GLIPR1L1: variants seen among roughly 807,000 people sequenced by gnomAD.
GLIPR1L1 encodes GLIPR1-like protein 1.
GLIPR1L1 carries 26 observed loss-of-function variants against 29.9 expected under a neutral mutation model. The observed-to-expected ratio is 0.87, with a 90% CI of 0.64 to 1.21. The LOEUF (loss-of-function observed/expected upper bound fraction) is 1.21. GLIPR1L1 is among the 50% of genes most tolerant of loss of function. The pLI is 0.00. For missense variants in GLIPR1L1, 305 were observed against 290.3 expected, an observed-to-expected ratio of 1.05 and a Z score of -0.37; for synonymous variants, 77 against 97.5, an observed-to-expected ratio of 0.79 and a Z score of 1.24.
In GLIPR1L1 at chr12:75,370,234, T is replaced by C; in HGVS notation, c.*58T>C. The C allele has an allele frequency of 1.2e-6, 1 of 852,414 alleles. No homozygotes were observed. Among genetic ancestry groups the C allele is most frequent in the Non-Finnish European group, 1.9e-6 (1 of 515,346 alleles). The allele number at this position is 852,414 out of a possible 1,614,324, so 52.8% of individuals were successfully genotyped here. On this transcript the variant is annotated 3_prime_UTR_variant, in exon 6 of 6. Transcript: ENST00000378695. ...TTAAAATAAAGGAATAGTTTATTGC[T>C]TAATATAACTTATCATCACTTTGCT...
intron 2 of GLIPR1L1, among the ~76,000 whole-genome samples, chr12:75,345,317 G>C (rs145432322): frequency 9.1e-4 from 138 of 151,716 alleles, no homozygotes; most frequent in African/African-American, 3.2e-3. Flanking sequence ...CTAATGTCTT[G>C]AAAACCATTA....
Position 75,341,381 on chromosome 12 carries a change from T to A in GLIPR1L1, c.175-2312T>A, listed in dbSNP as rs530959007. ...TGGCTCTCAAAGGCATTATGCTGAG[T>A]GAAGAGAAGCCAATCTCAAAATGGA... On this transcript the variant is annotated intron_variant, in intron 1 of 5. Coordinates refer to ENST00000378695, the MANE Select transcript of GLIPR1L1 (RefSeq NM_001304964.2). 4.6e-5 allele frequency among the ~76,000 whole-genome samples: 7 copies of A among 152,296 alleles called. No individual in the cohort carries two copies. In the East Asian group the frequency reaches 1.3e-3, roughly 29 times the overall value.
intron 2 of GLIPR1L1, among the ~76,000 whole-genome samples, chr12:75,345,926 G>A (rs888628295): frequency 1.3e-5 from 2 of 152,142 alleles, no homozygotes; most frequent in African/African-American, 4.8e-5. Context: ...TTACACACAA[G>A]GTTAAGTAAT....
At chr12:75,360,069 A>G (rs963344328) in intron 3 of GLIPR1L1, 1 of 152,154 alleles carries the variant, frequency 6.6e-6, no homozygotes, top group Non-Finnish European at 1.5e-5. Context: ...CTCACTCACT[A>G]TCATGAGAAC....
chr12:75,354,626 C>A (rs1321517622), intron 3 of GLIPR1L1, among the ~76,000 whole-genome samples: 1 of 152,156 alleles, frequency 6.6e-6, no homozygotes, highest in Admixed American at 6.6e-5. Flanking sequence ...TTAGAAAAAA[C>A]TATTTTAAAA....
intron 2 of GLIPR1L1, among the ~76,000 whole-genome samples, chr12:75,344,812 A>G (rs1398805317): frequency 1.3e-5 from 2 of 152,098 alleles, no homozygotes; most frequent in Non-Finnish European, 2.9e-5. Context: ...TGCTTTTAAA[A>G]TATGTTAGGT....
intron 2 of GLIPR1L1, among the ~76,000 whole-genome samples, chr12:75,346,274 T>C (rs1037836207): frequency 4.6e-5 from 7 of 152,224 alleles, no homozygotes; most frequent in Non-Finnish European, 8.8e-5. Context: ...TTTAAAACAT[T>C]CAAAAGGAAA....
At chr12:75,358,865 CATATATA>C (rs2043345835) in intron 3 of GLIPR1L1, among the ~76,000 whole-genome samples, 1 of 131,188 alleles carries the variant, frequency 7.6e-6, no homozygotes, top group South Asian at 2.2e-4. Context: ...ATGGTTTAAA[CATATATA>C]ATATATAATT....
chr12:75,348,599 G>C (rs999221863), intron 3 of GLIPR1L1, among the ~76,000 whole-genome samples: 1 of 152,150 alleles, frequency 6.6e-6, no homozygotes, highest in South Asian at 2.1e-4. Flanking sequence ...AATAATAGGG[G>C]ATGAAGGCTC....
intron 1 of GLIPR1L1, among the ~76,000 whole-genome samples, chr12:75,340,731 G>GT (rs1193143887): frequency 1.4e-5 from 2 of 142,452 alleles, no homozygotes; most frequent in African/African-American, 2.6e-5. Context: ...AAACTCAACA[G>GT]TAAAAAAAAA....
chr12:75,343,976 G>A (rs2042286982), intron 2 of GLIPR1L1, 38 bp downstream of exon 2: 1 of 1,507,804 alleles, frequency 6.6e-7, no homozygotes, highest in South Asian at 1.3e-5. Context: ...GTTCTTATTT[G>A]TGCATATTTT....
chr12:75,335,498 TC>T (rs2041667846), intron 1 of GLIPR1L1, among the ~76,000 whole-genome samples: 1 of 152,220 alleles, frequency 6.6e-6, no homozygotes, highest in South Asian at 2.1e-4. Context: ...TGTAACTTTT[TC>T]TTGTTTATAA....
At chr12:75,339,904 C>A (rs1022390725) in intron 1 of GLIPR1L1, among the ~76,000 whole-genome samples, 1 of 151,992 alleles carries the variant, frequency 6.6e-6, no homozygotes, top group Non-Finnish European at 1.5e-5. Flanking sequence ...AGTCTTTTAT[C>A]CCTCACCCCA....
rs1049621555 is a variant in GLIPR1L1 at position 75,370,293 on chromosome 12, C to T, written c.*117C>T. On this transcript the variant is annotated 3_prime_UTR_variant, in exon 6 of 6. Transcript: ENST00000378695. ...GAATCTTCTACACTCTTGCCTGATA[C>T]CTAAATTTAATGTTTGTTTTTAACT... is the stretch of plus-strand genomic sequence containing the variant. The T allele has an allele frequency of 3.6e-5, 21 of 578,866 alleles. No individual in the cohort carries two copies. The highest frequency in any genetic ancestry group is 5.8e-5 in the Non-Finnish European group (19 of 326,610). The allele number at this position is 578,866 out of a possible 1,614,324, so 35.9% of individuals were successfully genotyped here.
At chr12:75,364,532 G>C (rs754839811) in intron 4 of GLIPR1L1, among the ~76,000 whole-genome samples, 1 of 152,196 alleles carries the variant, frequency 6.6e-6, no homozygotes, top group African/African-American at 2.4e-5. Context: ...TTCCAGCCCA[G>C]ATGGGAATGG....
intron 3 of GLIPR1L1, among the ~76,000 whole-genome samples, chr12:75,350,112 A>C (rs186807984): frequency 1.9e-4 from 29 of 152,330 alleles, no homozygotes; most frequent in Admixed American, 1.7e-3. Context: ...CAGCACAGCC[A>C]CTGTGACAGT....
chr12:75,359,581 T>C (rs1021819760), intron 3 of GLIPR1L1, among the ~76,000 whole-genome samples: 5 of 151,980 alleles, frequency 3.3e-5, no homozygotes, highest in Admixed American at 6.6e-5. Context: ...TTTTCAAAAG[T>C]TATTAAAACT....
At chr12:75,369,528 A>C (rs1289906047) in intron 4 of GLIPR1L1, 2 of 981,322 alleles carry the variant, frequency 2.0e-6, no homozygotes, top group Non-Finnish European at 1.2e-6. Context: ...ACTGGGGAGG[A>C]AAGTTTGATG....
At chr12:75,340,219 C>G (rs1482181968) in intron 1 of GLIPR1L1, among the ~76,000 whole-genome samples, 1 of 151,008 alleles carries the variant, frequency 6.6e-6, no homozygotes, top group African/African-American at 2.4e-5. Flanking sequence ...GGCATTTAGA[C>G]CGTTTCCATA....
Sources: gnomAD v4.1 joint callset for allele counts (sites outside exome capture counted in the v4.1 genomes callset) on GRCh38, gnomAD v4.1.1 for gene constraint, MANE v1.5 for transcripts, NCBI Gene and HGNC (gene_info 2026-07-23, HGNC 2026-07-21) for gene names.